Variants in COP1 observed in about 807,000 individuals in gnomAD.
The protein encoded by COP1 is COP1 E3 ubiquitin ligase, also known as E3 ubiquitin-protein ligase COP1.
A neutral mutation model predicts 101.3 loss-of-function variants in COP1; 24 were observed. The observed-to-expected ratio is 0.24, with a 90% CI of 0.17 to 0.33. The LOEUF is 0.33. Ranked by LOEUF, COP1 falls within the 10% of genes least tolerant of loss-of-function variation. The pLI is 1.00. For missense variants in COP1, 663 were observed against 906.2 expected (o/e 0.73, Z 3.45); for synonymous variants, 347 against 341.9 (o/e 1.01, Z -0.17).
chr1:175,992,980 T>G (rs1349356018), intron 15 of COP1, among the ~76,000 whole-genome samples: 1 of 152,110 alleles, frequency 6.6e-6, no homozygotes, highest in Non-Finnish European at 1.5e-5. Context: ...GCAGCCTAAC[T>G]AGGAGGCACC....
chr1:176,177,407 ACAAT>A (rs1697117230), intron 2 of COP1, among the ~76,000 whole-genome samples: 1 of 152,148 alleles, frequency 6.6e-6, no homozygotes, highest in African/African-American at 2.4e-5. Context: ...AATAAAAATG[ACAAT>A]CTATAACACA....
chr1:176,184,791 T>C, intron 1 of COP1, 99 bp from the exon 2 acceptor site: 2 of 825,632 alleles, frequency 2.4e-6, no homozygotes, highest in Non-Finnish European at 2.0e-6. Flanking sequence ...TATTTCAATA[T>C]ACAGTTTAGA....
At chr1:176,095,865 T>A (rs1044993561) in intron 9 of COP1, among the ~76,000 whole-genome samples, 1 of 152,080 alleles carries the variant, frequency 6.6e-6, no homozygotes, top group Non-Finnish European at 1.5e-5. Context: ...AAAAAACATA[T>A]AAAAATCTGT....
chr1:176,050,632 T>C (rs1672383432), intron 11 of COP1, among the ~76,000 whole-genome samples: 1 of 152,156 alleles, frequency 6.6e-6, no homozygotes, highest in Non-Finnish European at 1.5e-5. Flanking sequence ...AGCAGATCTT[T>C]AAAAAAATAC....
chr1:176,116,829 T>G, intron 8 of COP1, 148 bp from the exon 9 acceptor site: 1 of 619,378 alleles, frequency 1.6e-6, no homozygotes. Flanking sequence ...AGACATCAAA[T>G]AGACAACCCA....
At chr1:175,979,181 C>T (rs1422078100) in intron 18 of COP1, among the ~76,000 whole-genome samples, 2 of 151,890 alleles carry the variant, frequency 1.3e-5, no homozygotes, top group Non-Finnish European at 2.9e-5. Flanking sequence ...AGATCTATAC[C>T]CTCCTCCTTC....
intron 6 of COP1, among the ~76,000 whole-genome samples, chr1:176,137,159 T>TAA (rs1477072113): frequency 6.6e-6 from 1 of 152,202 alleles, no homozygotes; most frequent in Non-Finnish European, 1.5e-5. Context: ...TTTAAAAACA[T>TAA]ATTTGAGTTA....
intron 9 of COP1, among the ~76,000 whole-genome samples, chr1:176,103,989 GAAGCTAAGAT>G (rs1274300975): frequency 6.6e-6 from 1 of 152,072 alleles, no homozygotes; most frequent in Non-Finnish European, 1.5e-5. Context: ...ATGAAAAAGA[GAAGCTAAGAT>G]AGGGGAAGAA....
intron 16 of COP1, 82 bp from the exon 17 acceptor site, chr1:175,988,494 T>C (rs1657639831): frequency 7.5e-7 from 1 of 1,336,030 alleles, no homozygotes; most frequent in East Asian, 2.4e-5. Flanking sequence ...GGCAATGCAG[T>C]TTGCTGGTTA....
chr1:176,121,110 G>A (rs557009438), intron 8 of COP1, among the ~76,000 whole-genome samples: 53 of 152,012 alleles, frequency 3.5e-4, no homozygotes, highest in Admixed American at 6.5e-4. Context: ...AATAAACCAA[G>A]TGGGGCTACA....
chr1:176,074,429 C>T (rs961656768), intron 11 of COP1, among the ~76,000 whole-genome samples: 3 of 151,832 alleles, frequency 2.0e-5, no homozygotes, highest in Admixed American at 1.3e-4. Flanking sequence ...ATCTCTCATG[C>T]CTAAGAAACT....
At chr1:176,129,450 A>C (rs1207631137) in intron 8 of COP1, among the ~76,000 whole-genome samples, 1 of 151,936 alleles carries the variant, frequency 6.6e-6, no homozygotes, top group Non-Finnish European at 1.5e-5. Context: ...TTTTTAAAAA[A>C]AATGAATTAA....
intron 3 of COP1, among the ~76,000 whole-genome samples, chr1:176,170,598 A>G (rs896836698): frequency 2.6e-5 from 4 of 151,260 alleles, no homozygotes; most frequent in African/African-American, 9.9e-5. Context: ...CACGCTGAAA[A>G]GAGATATGCT....
chr1:176,136,617 G>C (rs901067364), intron 6 of COP1, 70 bp from the exon 7 acceptor site: 2 of 966,300 alleles, frequency 2.1e-6, no homozygotes, highest in African/African-American at 1.7e-5. Context: ...GCATCACCAT[G>C]ATCATAAAAT....
chr1:176,002,061 G>A (rs1661747954), intron 15 of COP1, among the ~76,000 whole-genome samples: 1 of 152,002 alleles, frequency 6.6e-6, no homozygotes, highest in Non-Finnish European at 1.5e-5. Context: ...TCAATATGAT[G>A]AGTTTAGGTG....
chr1:176,036,876 C>T (rs1277113887), intron 14 of COP1, among the ~76,000 whole-genome samples: 1 of 151,998 alleles, frequency 6.6e-6, no homozygotes, highest in African/African-American at 2.4e-5. Context: ...GACTGTAATC[C>T]CATTGTAAGT....
intron 11 of COP1, among the ~76,000 whole-genome samples, chr1:176,055,571 G>A (rs1673332361): frequency 6.6e-6 from 1 of 152,140 alleles, no homozygotes; most frequent in African/African-American, 2.4e-5. Flanking sequence ...GTACACTGAT[G>A]ACTATCAAGT....
At chr1:176,164,386 G>A (rs985094953) in intron 3 of COP1, among the ~76,000 whole-genome samples, 3 of 152,086 alleles carry the variant, frequency 2.0e-5, no homozygotes, top group African/African-American at 7.2e-5. Context: ...TTTTCCAAGT[G>A]TCAGACTGCC....
In COP1 at chr1:176,179,861, C is replaced by CAA. The variant is rs548040625; in HGVS notation, c.468-3856_468-3855dup. 7.1e-4 allele frequency among the ~76,000 whole-genome samples: 93 copies of CAA among 130,210 alleles called. 1 individual carries two copies. In the Middle Eastern group the frequency reaches 0.02, roughly 28 times the overall value. The allele number at this position is 130,210 out of a possible 152,430, so 85.4% of individuals were successfully genotyped here. On this transcript the variant is annotated intron_variant, in intron 2 of 19. Transcript: ENST00000367669. Reference sequence around the variant, plus strand: ...TAGGCTTACTACACTATCTCTCAGACAAAAAAAAAAAAAATGGGACATAGC... The same window carrying CAA: ...TAGGCTTACTACACTATCTCTCAGACAAAAAAAAAAAAAAAATGGGACATAGC...
Sources: gnomAD v4.1 joint callset for allele counts (sites outside exome capture counted in the v4.1 genomes callset) on GRCh38, gnomAD v4.1.1 for gene constraint, MANE v1.5 for transcripts, NCBI Gene and HGNC (gene_info 2026-07-23, HGNC 2026-07-21) for gene names.